UQCC6: variants seen among roughly 807,000 people sequenced by gnomAD.
The protein encoded by UQCC6 is protein BRAWNIN.
the UQCC6 span, among the ~76,000 whole-genome samples, chr12:103,958,007 T>A: frequency 3.8e-5 from 5 of 132,304 alleles, no homozygotes; most frequent in East Asian, 4.0e-4. Flanking sequence ...TAATATATAT[T>A]TATTTTTAAT....
chr12:103,960,716 G>A, the UQCC6 span, among the ~76,000 whole-genome samples: 6 of 152,126 alleles, frequency 3.9e-5, no homozygotes, highest in Non-Finnish European at 7.3e-5. Context: ...ATACACGACA[G>A]GTGGCCCCAT....
the UQCC6 span, among the ~76,000 whole-genome samples, chr12:103,954,127 C>T: frequency 6.6e-6 from 1 of 152,218 alleles, no homozygotes; most frequent in Non-Finnish European, 1.5e-5. Flanking sequence ...TTATGAAATA[C>T]TATGCAATAG....
chr12:103,963,694 T>G, the UQCC6 span, among the ~76,000 whole-genome samples: 1 of 152,208 alleles, frequency 6.6e-6, no homozygotes, highest in Non-Finnish European at 1.5e-5. Context: ...TCCTTAAATA[T>G]TTCATATTTT....
chr12:103,954,620 T>C, the UQCC6 span: 1 of 311,710 alleles, frequency 3.2e-6, no homozygotes, highest in Non-Finnish European at 5.9e-6. Context: ...CTTCCAACAT[T>C]GGGGATCACA....
At chr12:103,956,840 G>C in the UQCC6 span, 11 of 759,900 alleles carry the variant, frequency 1.4e-5, no homozygotes, top group Non-Finnish European at 2.4e-5. Context: ...CTGGACACGA[G>C]ACACACGGCG....
chr12:103,962,084 T>C, the UQCC6 span, among the ~76,000 whole-genome samples: 1 of 152,208 alleles, frequency 6.6e-6, no homozygotes, highest in African/African-American at 2.4e-5. Flanking sequence ...GTGACATTTC[T>C]CAGAATATGA....
chr12:103,958,259 A>G, the UQCC6 span, among the ~76,000 whole-genome samples: 2 of 151,566 alleles, frequency 1.3e-5, no homozygotes, highest in African/African-American at 4.8e-5. Flanking sequence ...CTGAAGGATT[A>G]AAGTTGTATG....
the UQCC6 span, chr12:103,951,392 G>A: frequency 1.2e-5 from 6 of 508,190 alleles, no homozygotes; most frequent in East Asian, 9.4e-5. Flanking sequence ...TCAACGTATC[G>A]GCTAAACATC....
the UQCC6 span, chr12:103,956,395 T>G: frequency 2.2e-6 from 1 of 460,690 alleles, no homozygotes; most frequent in Non-Finnish European, 3.9e-6. Context: ...GGCCAGACTG[T>G]GTAAGACCTC....
the UQCC6 span, among the ~76,000 whole-genome samples, chr12:103,961,327 A>G: frequency 1.3e-5 from 2 of 152,218 alleles, no homozygotes; most frequent in Admixed American, 6.5e-5. Context: ...AAGTTACAGA[A>G]AGCTAAGGTT....
At chr12:103,956,731 G>C in the UQCC6 span, 1 of 1,551,032 alleles carries the variant, frequency 6.4e-7, no homozygotes, top group Non-Finnish European at 8.7e-7. Context: ...GGGCACGCCC[G>C]CGGGCATGGT....
chr12:103,956,723 G>A, the UQCC6 span: 2 of 1,551,436 alleles, frequency 1.3e-6, no homozygotes, highest in South Asian at 1.2e-5. Context: ...GTGGACATGG[G>A]CACGCCCGCG....
chr12:103,962,274 C>T, the UQCC6 span, among the ~76,000 whole-genome samples: 1 of 152,140 alleles, frequency 6.6e-6, no homozygotes, highest in South Asian at 2.1e-4. Context: ...TATTGCTTTT[C>T]ATTAATTTTT....
chr12:103,963,475 AT>A, the UQCC6 span, among the ~76,000 whole-genome samples: 40 of 152,310 alleles, frequency 2.6e-4, no homozygotes, highest in South Asian at 3.7e-3. Flanking sequence ...TTCCATATAA[AT>A]TTTAGAATCA....
chr12:103,951,459 T>G, the UQCC6 span: 2 of 939,154 alleles, frequency 2.1e-6, no homozygotes, highest in Non-Finnish European at 1.6e-6. Context: ...GACAAGTAGT[T>G]TGATGCAATA....
chr12:103,956,962 C>T, the UQCC6 span: 1 of 534,882 alleles, frequency 1.9e-6, no homozygotes, highest in Middle Eastern at 4.9e-4. Flanking sequence ...AGGCCCAGCC[C>T]CAATCGTTTA....
At chr12:103,956,430 C>G in the UQCC6 span, 2 of 542,512 alleles carry the variant, frequency 3.7e-6, no homozygotes, top group African/African-American at 3.8e-5. Context: ...GCCCTAGATG[C>G]AATGGGATGC....
chr12:103,958,274 A>G, the UQCC6 span, among the ~76,000 whole-genome samples: 1 of 151,884 alleles, frequency 6.6e-6, no homozygotes, highest in Admixed American at 6.6e-5. Flanking sequence ...TGTATGTATG[A>G]CAAATCATAA....
At chr12:103,953,849 A>G in the UQCC6 span, among the ~76,000 whole-genome samples, 7 of 152,224 alleles carry the variant, frequency 4.6e-5, no homozygotes, top group African/African-American at 9.6e-5. Flanking sequence ...TCAAAGGTCA[A>G]CTTCCCAGGG....
Sources: gnomAD v4.1 joint callset for allele counts (sites outside exome capture counted in the v4.1 genomes callset) on GRCh38, gnomAD v4.1.1 for gene constraint, MANE v1.5 for transcripts, NCBI Gene and HGNC (gene_info 2026-07-23, HGNC 2026-07-21) for gene names.